The following CTNNA2 variants were observed in gnomAD, a reference collection of about 807,000 sequenced individuals.
The protein encoded by CTNNA2 is catenin alpha 2, also known as catenin alpha-2.
A neutral mutation model predicts 101.0 loss-of-function variants in CTNNA2; 42 were observed. That is an observed-to-expected ratio of 0.42 (90% CI 0.32 to 0.54). The LOEUF (loss-of-function observed/expected upper bound fraction) is 0.54. CTNNA2 is among the 20% of genes least tolerant of loss of function. The pLI, the probability that CTNNA2 is intolerant of heterozygous loss-of-function variation, is 0.14. For synonymous variants in CTNNA2, 450 were observed against 456.4 expected, an observed-to-expected ratio of 0.99 and a Z score of 0.18; for missense variants, 871 against 1,223.1, an observed-to-expected ratio of 0.71 and a Z score of 4.29.
At chr2:79,823,711 C>A (rs940570137) in intron 3 of CTNNA2, among the ~76,000 whole-genome samples, 10 of 152,080 alleles carry the variant, frequency 6.6e-5, no homozygotes, top group Non-Finnish European at 1.2e-4. Context: ...AATTTGTCAT[C>A]TCTTCATTAT....
intron 7 of CTNNA2, among the ~76,000 whole-genome samples, chr2:80,085,870 C>A (rs1221375531): frequency 6.6e-6 from 1 of 151,936 alleles, no homozygotes; most frequent in Non-Finnish European, 1.5e-5. Flanking sequence ...CTGACTAAAT[C>A]TATGTAACGC....
At chr2:79,840,753 C>A (rs1260281717) in intron 3 of CTNNA2, among the ~76,000 whole-genome samples, 1 of 129,580 alleles carries the variant, frequency 7.7e-6, no homozygotes, top group Admixed American at 8.7e-5. Flanking sequence ...GGCAGGACAG[C>A]GAGACTACCT....
chr2:79,679,397 C>T (rs536279651), intron 2 of CTNNA2, among the ~76,000 whole-genome samples: 2 of 152,234 alleles, frequency 1.3e-5, no homozygotes, highest in Admixed American at 6.5e-5. Flanking sequence ...CACTCCACTG[C>T]CTCTTAGCCT....
At chr2:80,203,605 T>C (rs2149021822) in intron 7 of CTNNA2, among the ~76,000 whole-genome samples, 1 of 152,348 alleles carries the variant, frequency 6.6e-6, no homozygotes, top group East Asian at 1.9e-4. Context: ...TCCTGTGGCT[T>C]TGCAGGATAT....
At chr2:80,018,488 G>A (rs1206131344) in intron 7 of CTNNA2, among the ~76,000 whole-genome samples, 1 of 152,080 alleles carries the variant, frequency 6.6e-6, no homozygotes, top group Non-Finnish European at 1.5e-5. Context: ...TTATAAATCA[G>A]GACCTTGGCC....
intron 15 of CTNNA2, among the ~76,000 whole-genome samples, chr2:80,597,138 T>C (rs1006380319): frequency 1.3e-5 from 2 of 152,178 alleles, no homozygotes; most frequent in Non-Finnish European, 2.9e-5. Flanking sequence ...TTTGCATCGA[T>C]GTTCATCAGG....
intron 7 of CTNNA2, among the ~76,000 whole-genome samples, chr2:80,389,820 T>A (rs1050291694): frequency 1.3e-5 from 2 of 152,150 alleles, no homozygotes; most frequent in Admixed American, 6.5e-5. Flanking sequence ...TCACAACAAA[T>A]ATGGCTCCAG....
At chr2:79,215,557 A>G (rs1437686742) in intron 2 of CTNNA2, among the ~76,000 whole-genome samples, 2 of 152,120 alleles carry the variant, frequency 1.3e-5, no homozygotes, top group Non-Finnish European at 2.9e-5. Flanking sequence ...ACGTATTTTG[A>G]GAATAAGACG....
intron 1 of CTNNA2, among the ~76,000 whole-genome samples, chr2:79,648,356 T>A (rs1314644130): frequency 6.6e-6 from 1 of 152,218 alleles, no homozygotes; most frequent in African/African-American, 2.4e-5. Context: ...GAGGCAAAGA[T>A]CATTAATGAG....
At chr2:79,799,640 G>C (rs1214014790) in intron 3 of CTNNA2, among the ~76,000 whole-genome samples, 1 of 151,922 alleles carries the variant, frequency 6.6e-6, no homozygotes, top group Admixed American at 6.6e-5. Flanking sequence ...GAAAGTGAGA[G>C]AGCAAAAAGA....
chr2:79,706,076 A>G (rs1454252512), intron 2 of CTNNA2, among the ~76,000 whole-genome samples: 1 of 152,106 alleles, frequency 6.6e-6, no homozygotes, highest in South Asian at 2.1e-4. Context: ...AAAAATTAGC[A>G]TGTGTGGGCC....
intron 7 of CTNNA2, among the ~76,000 whole-genome samples, chr2:80,090,294 A>T (rs938978403): frequency 2.0e-5 from 3 of 151,788 alleles, no homozygotes; most frequent in South Asian, 2.1e-4. Context: ...CATATGCTCA[A>T]TGAGTGCTTG....
intron 7 of CTNNA2, among the ~76,000 whole-genome samples, chr2:80,262,935 AATATT>A (rs1672725088): frequency 6.6e-6 from 1 of 151,880 alleles, no homozygotes; most frequent in Admixed American, 6.6e-5. Flanking sequence ...TAAAAACAAC[AATATT>A]GACAAAAATA....
chr2:80,228,681 T>G (rs1709029334), intron 7 of CTNNA2, among the ~76,000 whole-genome samples: 1 of 152,160 alleles, frequency 6.6e-6, no homozygotes, highest in South Asian at 2.1e-4. Context: ...GATTCTGAGG[T>G]CACTGTCTGA....
chr2:79,408,713 G>T (rs1678368917), intron 4 of CTNNA2, among the ~76,000 whole-genome samples: 1 of 152,016 alleles, frequency 6.6e-6, no homozygotes, highest in African/African-American at 2.4e-5. Context: ...TGGACATTTG[G>T]ATTGGTTCCA....
At chr2:79,597,558 G>A (rs914910471) in intron 1 of CTNNA2, among the ~76,000 whole-genome samples, 1 of 151,980 alleles carries the variant, frequency 6.6e-6, no homozygotes, top group African/African-American at 2.4e-5. Flanking sequence ...TGATAGATCT[G>A]AAAGGAGGAC....
intron 1 of CTNNA2, among the ~76,000 whole-genome samples, chr2:79,523,821 T>C (rs927146465): frequency 6.6e-6 from 1 of 152,140 alleles, no homozygotes; most frequent in African/African-American, 2.4e-5. Context: ...TAAATTTGTT[T>C]CCCAGATTTC....
chr2:79,714,207 C>A (rs946954937), intron 2 of CTNNA2, among the ~76,000 whole-genome samples: 1 of 152,080 alleles, frequency 6.6e-6, no homozygotes, highest in Non-Finnish European at 1.5e-5. Context: ...ACTGTCCGGG[C>A]AGTTCTAGAG....
At chr2:79,268,233 T>C (rs887302653) in intron 2 of CTNNA2, among the ~76,000 whole-genome samples, 4 of 152,134 alleles carry the variant, frequency 2.6e-5, no homozygotes, top group Non-Finnish European at 4.4e-5. Flanking sequence ...AAAGGGGATG[T>C]AATGACCATA....
Sources: gnomAD v4.1 joint callset for allele counts (sites outside exome capture counted in the v4.1 genomes callset) on GRCh38, gnomAD v4.1.1 for gene constraint, MANE v1.5 for transcripts, NCBI Gene and HGNC (gene_info 2026-07-23, HGNC 2026-07-21) for gene names.